Variants in NEK1 observed in about 807,000 individuals in gnomAD.
The protein encoded by NEK1 is serine/threonine-protein kinase Nek1.
NEK1 carries 137 observed loss-of-function variants against 182.1 expected under a neutral mutation model. That is an observed-to-expected ratio of 0.75 (90% CI 0.65 to 0.87). The LOEUF is 0.87. Among genes scored for constraint, NEK1 ranks in the 40% least tolerant of loss-of-function variants. The pLI is 0.00. For synonymous variants in NEK1, 513 were observed against 492.2 expected (o/e 1.04, Z -0.56); for missense variants, 1,391 against 1,494.4 (o/e 0.93, Z 1.14).
chr4:169,539,193 T>G (rs1758987773), intron 18 of NEK1, among the ~76,000 whole-genome samples: 1 of 152,170 alleles, frequency 6.6e-6, no homozygotes, highest in African/African-American at 2.4e-5. Context: ...AATGCCATGT[T>G]AGCTTGAGTA....
intron 27 of NEK1, among the ~76,000 whole-genome samples, chr4:169,451,892 C>T (rs1256785828): frequency 6.6e-6 from 1 of 151,888 alleles, no homozygotes; most frequent in Non-Finnish European, 1.5e-5. Context: ...ACTAGCAAGA[C>T]TAATAAAGAA....
intron 16 of NEK1, among the ~76,000 whole-genome samples, chr4:169,559,882 G>A (rs1453243512): frequency 6.6e-6 from 1 of 152,100 alleles, no homozygotes; most frequent in Non-Finnish European, 1.5e-5. Context: ...GGTGGTGCAT[G>A]CCTGTAATCC....
At chr4:169,419,654 C>A (rs907844698) in intron 31 of NEK1, among the ~76,000 whole-genome samples, 4 of 152,068 alleles carry the variant, frequency 2.6e-5, no homozygotes, top group African/African-American at 9.7e-5. Flanking sequence ...AGATACGTTA[C>A]GAGAAAAGTG....
At chr4:169,421,611 CCT>C (rs1407572455) in intron 31 of NEK1, among the ~76,000 whole-genome samples, 1 of 152,124 alleles carries the variant, frequency 6.6e-6, no homozygotes, top group Non-Finnish European at 1.5e-5. Context: ...ACGCTCTCTC[CCT>C]CTCTCTGTCT....
At chr4:169,591,678 TA>T (rs570901433) in intron 5 of NEK1, among the ~76,000 whole-genome samples, 21 of 150,294 alleles carry the variant, frequency 1.4e-4, no homozygotes, top group African/African-American at 2.7e-4. Flanking sequence ...ATTTTTAAAC[TA>T]AAAAAAAATA....
At chr4:169,570,525 C>T (rs1222332120) in intron 12 of NEK1, among the ~76,000 whole-genome samples, 4 of 149,592 alleles carry the variant, frequency 2.7e-5, no homozygotes, top group Non-Finnish European at 3.0e-5. Context: ...GCCCCCCGCC[C>T]GGCCAGCATA....
intron 27 of NEK1, among the ~76,000 whole-genome samples, chr4:169,462,696 G>A (rs1211427228): frequency 1.3e-5 from 2 of 151,848 alleles, no homozygotes; most frequent in African/African-American, 2.4e-5. Context: ...AAGAGGAAAA[G>A]TACACTCCAC....
intron 12 of NEK1, among the ~76,000 whole-genome samples, chr4:169,562,521 A>T (rs1006749359): frequency 7.2e-5 from 11 of 152,026 alleles, no homozygotes; most frequent in East Asian, 1.9e-4. Flanking sequence ...TAATTTTTTT[A>T]AAAAAATTAG....
intron 23 of NEK1, among the ~76,000 whole-genome samples, chr4:169,502,663 C>T (rs931863804): frequency 2.0e-5 from 3 of 152,022 alleles, no homozygotes; most frequent in Admixed American, 2.0e-4. Context: ...TAAAAAGCAT[C>T]TGATAAAATC....
At chr4:169,594,743 G>T (rs144651322) in intron 5 of NEK1, among the ~76,000 whole-genome samples, 22 of 152,266 alleles carry the variant, frequency 1.4e-4, no homozygotes, top group African/African-American at 4.1e-4. Flanking sequence ...ACATGCCTGG[G>T]AAGACTTGCC....
intron 18 of NEK1, among the ~76,000 whole-genome samples, chr4:169,540,910 G>A (rs1383558256): frequency 6.6e-6 from 1 of 151,880 alleles, no homozygotes; most frequent in Non-Finnish European, 1.5e-5. Context: ...GGGAGGAAAA[G>A]GGAGTAAGTT....
At chr4:169,532,657 G>A (rs1260459471) in intron 19 of NEK1, among the ~76,000 whole-genome samples, 1 of 152,090 alleles carries the variant, frequency 6.6e-6, no homozygotes, top group Admixed American at 6.5e-5. Context: ...CTATTTGCTG[G>A]GCATGGTGGC....
At chr4:169,522,577 T>A (rs1411804947) in intron 19 of NEK1, among the ~76,000 whole-genome samples, 2 of 152,236 alleles carry the variant, frequency 1.3e-5, no homozygotes, top group Non-Finnish European at 2.9e-5. Flanking sequence ...TGTGATACTC[T>A]TCTGGTCTGA....
intron 27 of NEK1, among the ~76,000 whole-genome samples, chr4:169,453,998 C>T (rs1323810802): frequency 6.6e-6 from 1 of 152,164 alleles, no homozygotes; most frequent in African/African-American, 2.4e-5. Context: ...ACCAATAGAA[C>T]AGAACAGAGG....
chr4:169,576,718 AATTAT>A (rs1249889273), intron 12 of NEK1: 9 of 382,634 alleles, frequency 2.4e-5, no homozygotes, highest in Non-Finnish European at 3.8e-5. Context: ...TTATTACACT[AATTAT>A]ATTACTTAAT....
intron 10 of NEK1, among the ~76,000 whole-genome samples, chr4:169,581,201 TA>T (rs1212483366): frequency 2.6e-5 from 4 of 150,990 alleles, no homozygotes; most frequent in African/African-American, 7.3e-5. Flanking sequence ...TTAAGAAAAA[TA>T]AAAAAAAATC....
chr4:169,587,610 G>T lies in NEK1; in HGVS notation c.555C>A (p.Asp185Glu). The T allele has an allele frequency of 6.5e-7, 1 of 1,536,208 alleles. No individual in the cohort carries two copies. Among genetic ancestry groups the T allele is most frequent in the South Asian group, 1.2e-5 (1 of 81,268 alleles). Residue 185 changes from aspartate to glutamate, a missense_variant, in exon 9 of 36, where the codon GAC (aspartate) becomes GAA (glutamate). Transcript: ENST00000507142. ...CENKPYNNKS[D>E]IWALGCVLYE... ...AAAGGACACACCCCAGAGCCCAAAT[G>T]TCACTGGAGAAGATAAAAATGAGAA...
In NEK1 at chr4:169,576,917, C is replaced by T. The variant is rs1220150986; in HGVS notation, c.1020+11G>A. 2 of 1,585,464 alleles carry T rather than the reference C, an allele frequency of 1.3e-6. No homozygotes were observed. The highest frequency in any genetic ancestry group is 1.7e-6 in the Non-Finnish European group (2 of 1,164,764). On this transcript the variant is annotated intron_variant, in intron 12 of 35. Transcript: ENST00000507142. ...TTTGTTATTAACACATGGTATGTAA[C>T]ATGATCATACCTGTTTATGTTTTTG...
At position 169,423,088 on chromosome 4, in the gene NEK1, T is replaced by C. The variant is rs530553475; in HGVS notation, c.3222+1465A>G. Among the ~76,000 whole-genome samples the C allele has an allele frequency of 6.6e-5, 10 of 152,238 alleles. No individual in the cohort carries two copies. In the East Asian group the frequency reaches 1.2e-3, roughly 18 times the overall value. On this transcript the variant is annotated intron_variant, in intron 31 of 35. Coordinates refer to ENST00000507142, the MANE Select transcript of NEK1 (RefSeq NM_001199397.3). The stretch of plus-strand genomic sequence containing the variant: ...AAGTATACCCAGTTGGAAAATTAAA[T>C]TGAAAATCAAAGTGACTATTTATTA...
Sources: allele counts gnomAD v4.1 joint callset (sites outside exome capture counted in the v4.1 genomes callset), GRCh38; gene constraint gnomAD v4.1.1; transcripts MANE v1.5; gene names NCBI Gene and HGNC (gene_info 2026-07-23, HGNC 2026-07-21).